The following KLHL14 variants were observed in gnomAD, a reference collection of about 807,000 sequenced individuals.
The protein encoded by KLHL14 is kelch-like protein 14.
KLHL14 carries 22 observed loss-of-function variants against 64.3 expected under a neutral mutation model. That is an observed-to-expected ratio of 0.34 (90% CI 0.24 to 0.49). KLHL14 has a LOEUF of 0.49. Among genes scored for constraint, KLHL14 ranks in the 20% least tolerant of loss-of-function variants. The pLI is 0.99. For synonymous variants in KLHL14, 322 were observed against 333.4 expected, an observed-to-expected ratio of 0.97 and a Z score of 0.37; for missense variants, 661 against 789.0, an observed-to-expected ratio of 0.84 and a Z score of 1.94.
At chr18:32,702,881 T>A (rs2049973346) in intron 3 of KLHL14, among the ~76,000 whole-genome samples, 1 of 152,124 alleles carries the variant, frequency 6.6e-6, no homozygotes, top group Admixed American at 6.6e-5. Flanking sequence ...TGAAGTTATT[T>A]AAGTGAGTTT....
At chr18:32,692,688 A>G (rs2049913329) in intron 4 of KLHL14, among the ~76,000 whole-genome samples, 1 of 152,190 alleles carries the variant, frequency 6.6e-6, no homozygotes, top group East Asian at 1.9e-4. Context: ...AACCAAATAC[A>G]TATGTTTACG....
chr18:32,681,221 T>C lies in KLHL14; in HGVS notation c.1239-622A>G, dbSNP rs191433372. Among the ~76,000 whole-genome samples the C allele has an allele frequency of 5.6e-4, 85 of 152,284 alleles. 1 individual carries two copies. Among genetic ancestry groups the C allele is most frequent in the African/African-American group, 2.0e-3 (85 of 41,560 alleles). ...TTGATTCTTAAAAGGCTATAAGATA[T>C]TTTAAATCCCTTTTTAAGAGAGGCT... On this transcript the variant is annotated intron_variant, in intron 5 of 8. Transcript: ENST00000359358.
chr18:32,743,168 G>C (rs971225738), intron 2 of KLHL14: 3 of 152,192 alleles, frequency 2.0e-5, no homozygotes, highest in Non-Finnish European at 2.9e-5. Flanking sequence ...AAGGCTCAAG[G>C]TGATGGTGGA....
chr18:32,693,372 G>T (rs2049918280), intron 4 of KLHL14, among the ~76,000 whole-genome samples: 1 of 122,296 alleles, frequency 8.2e-6, no homozygotes, highest in Non-Finnish European at 1.6e-5. Context: ...TCTAAAAAGG[G>T]ATCTTACACA....
intron 2 of KLHL14, among the ~76,000 whole-genome samples, chr18:32,763,730 T>G (rs1367552682): frequency 6.6e-6 from 1 of 152,204 alleles, no homozygotes; most frequent in Admixed American, 6.5e-5. Context: ...TTATTGCACA[T>G]TAGCTTTTTT....
At chr18:32,752,877 A>G (rs1022436117) in intron 2 of KLHL14, among the ~76,000 whole-genome samples, 5 of 146,274 alleles carry the variant, frequency 3.4e-5, no homozygotes, top group Admixed American at 1.4e-4. Context: ...TCCGCCTCCA[A>G]TGTGGGAACT....
chr18:32,761,393 C>CATTTT (rs759017668), intron 2 of KLHL14, among the ~76,000 whole-genome samples: 3 of 127,086 alleles, frequency 2.4e-5, no homozygotes, highest in Non-Finnish European at 4.8e-5. Context: ...GCCACACATC[C>CATTTT]TTTTTTTTTT....
At chr18:32,756,454 CCTTT>C (rs2050282511) in intron 2 of KLHL14, among the ~76,000 whole-genome samples, 1 of 151,614 alleles carries the variant, frequency 6.6e-6, no homozygotes, top group Non-Finnish European at 1.5e-5. Flanking sequence ...TCAAAAAAAA[CCTTT>C]CTAAGGTGAG....
chr18:32,686,016 T>C (rs4799333), intron 5 of KLHL14, among the ~76,000 whole-genome samples: 81,577 of 147,428 alleles, frequency 0.55, 22,655 homozygotes, highest in East Asian at 0.65. Flanking sequence ...TTCTTTCTTT[T>C]TTTTTTTTTT....
intron 4 of KLHL14, among the ~76,000 whole-genome samples, chr18:32,692,359 A>G (rs912848291): frequency 1.3e-5 from 2 of 152,094 alleles, no homozygotes; most frequent in African/African-American, 4.8e-5. Context: ...TGTTTAACTT[A>G]AGAAGATTTC....
chr18:32,682,749 C>T (rs1426837621), intron 5 of KLHL14, among the ~76,000 whole-genome samples: 1 of 152,170 alleles, frequency 6.6e-6, no homozygotes, highest in Non-Finnish European at 1.5e-5. Context: ...TCTACTAGTA[C>T]ATTTACCTTT....
intron 3 of KLHL14, among the ~76,000 whole-genome samples, chr18:32,710,797 A>G (rs2050015185): frequency 1.3e-5 from 2 of 152,148 alleles, no homozygotes; most frequent in Admixed American, 1.3e-4. Flanking sequence ...AGAGGGGTTC[A>G]GGGAGGTCCC....
chr18:32,700,567 G>C (rs1265227673), intron 3 of KLHL14, among the ~76,000 whole-genome samples: 3 of 152,094 alleles, frequency 2.0e-5, no homozygotes, highest in Non-Finnish European at 2.9e-5. Flanking sequence ...ATACTGTTTA[G>C]TGTCTTGCTT....
chr18:32,759,697 T>TTCTC (rs140880053), intron 2 of KLHL14, among the ~76,000 whole-genome samples: 2,030 of 148,448 alleles, frequency 0.014, 61 homozygotes, highest in East Asian at 0.14. Flanking sequence ...CATTATAACC[T>TTCTC]TCTCTCTCTC....
At chr18:32,738,435 A>G (rs752382739) in intron 3 of KLHL14, 3 of 152,202 alleles carry the variant, frequency 2.0e-5, no homozygotes, top group Non-Finnish European at 2.9e-5. Context: ...TGAGAAATAA[A>G]GATGAACAAA....
intron 3 of KLHL14, among the ~76,000 whole-genome samples, chr18:32,711,345 AGAG>A (rs1258606189): frequency 1.3e-5 from 2 of 152,204 alleles, no homozygotes; most frequent in African/African-American, 4.8e-5. Flanking sequence ...TGTAATAAAA[AGAG>A]GAAGAAAAGG....
intron 3 of KLHL14, among the ~76,000 whole-genome samples, chr18:32,736,769 C>G (rs1306403188): frequency 2.0e-5 from 3 of 152,046 alleles, no homozygotes; most frequent in African/African-American, 7.2e-5. Flanking sequence ...TACTAAAATA[C>G]TTTTCCATCT....
intron 3 of KLHL14, 129 bp downstream of exon 3, chr18:32,741,798 TA>T: frequency 8.8e-7 from 1 of 1,141,506 alleles, no homozygotes; most frequent in Non-Finnish European, 1.2e-6. Flanking sequence ...CGGTGATACA[TA>T]AACAAACCTC....
rs1357074868 is a variant in KLHL14, at chr18:32,772,814, T to G, written c.-191A>C. The G allele has an allele frequency of 6.5e-6, 1 of 152,932 alleles. No individual in the cohort carries two copies. The highest frequency in any genetic ancestry group is 2.4e-5 in the African/African-American group (1 of 41,450). The allele number at this position is 152,932 out of a possible 1,614,324, so 9.5% of individuals were successfully genotyped here. A position where few individuals can be genotyped will look rare whatever the true frequency, so the allele number is the denominator to read the frequency against. On this transcript the variant is annotated 5_prime_UTR_variant, in exon 1 of 9. Transcript: ENST00000359358. Reference sequence around the variant, plus strand: ...CAGGCAGTCACTCTTTACAATTTATTTTGTCGTACATCATTTGATCACCAT... The same window carrying G: ...CAGGCAGTCACTCTTTACAATTTATGTTGTCGTACATCATTTGATCACCAT...
Sources: gnomAD v4.1 joint callset for allele counts (sites outside exome capture counted in the v4.1 genomes callset) on GRCh38, gnomAD v4.1.1 for gene constraint, MANE v1.5 for transcripts, NCBI Gene and HGNC (gene_info 2026-07-23, HGNC 2026-07-21) for gene names.